ENTHD1: variants seen among roughly 807,000 people sequenced by gnomAD.
ENTHD1 encodes the protein ENTH domain containing 1, also known as ENTH domain-containing protein 1.
In ENTHD1, 23 loss-of-function variants were observed where a neutral mutation model predicts 39.1. That is an observed-to-expected ratio of 0.59 (90% CI 0.42 to 0.83). The LOEUF is 0.83. Among genes scored for constraint, ENTHD1 ranks in the 40% least tolerant of loss-of-function variants. The probability of loss-of-function intolerance (pLI) is 0.00; values close to 1 mark genes in which losing one functional copy is unlikely to be tolerated. For missense variants in ENTHD1, 624 were observed against 705.4 expected (o/e 0.88, Z 1.31); for synonymous variants, 230 against 258.2 (o/e 0.89, Z 1.05).
Position 39,765,511 on chromosome 22 carries a change from T to A in ENTHD1, c.931A>T (p.Asn311Tyr). The change falls in exon 6 of 7, where the codon AAC (asparagine) becomes TAC (tyrosine). Residue 311 changes from asparagine (N) to tyrosine (Y), a missense_variant. Asn to Tyr is a moderately radical substitution (Grantham distance 143, BLOSUM62 -2). Coordinates refer to ENST00000325157, the MANE Select transcript of ENTHD1 (RefSeq NM_152512.4). ...TTTTCTAAAGGTGTTTCCAAGAGGT[T>A]TTCTGTGACAGTATTTGTAAAGATA... ...DGIFTNTVTE[N>Y]LLETPLEKQS... is the part of the protein sequence containing the mutation. 6.2e-7 allele frequency: 1 copy of A among 1,613,958 alleles called. No individual in the cohort carries two copies. Among genetic ancestry groups the A allele is most frequent in the Non-Finnish European group, 8.5e-7 (1 of 1,179,964 alleles).
chr22:39,760,059 A>C (rs1054777256), intron 6 of ENTHD1, among the ~76,000 whole-genome samples: 2 of 151,758 alleles, frequency 1.3e-5, no homozygotes, highest in African/African-American at 4.8e-5. Flanking sequence ...GTGAATGTTC[A>C]TTTTGCACTT....
At chr22:39,837,823 G>A (rs2065917124) in intron 3 of ENTHD1, among the ~76,000 whole-genome samples, 1 of 152,220 alleles carries the variant, frequency 6.6e-6, no homozygotes, top group African/African-American at 2.4e-5. Flanking sequence ...AACTCCTGAT[G>A]AGGCTGCATG....
intron 5 of ENTHD1, among the ~76,000 whole-genome samples, chr22:39,783,964 C>T (rs916147780): frequency 2.0e-5 from 3 of 152,050 alleles, no homozygotes; most frequent in Admixed American, 6.6e-5. Context: ...GAAGAGGCAA[C>T]CCACAGAATG....
intron 3 of ENTHD1, among the ~76,000 whole-genome samples, chr22:39,852,054 C>T (rs1235092360): frequency 1.3e-5 from 2 of 151,940 alleles, no homozygotes; most frequent in African/African-American, 4.8e-5. Flanking sequence ...AAATGCTGTC[C>T]AGGCATGATG....
intron 2 of ENTHD1, among the ~76,000 whole-genome samples, chr22:39,864,914 C>T (rs1177694489): frequency 3.3e-5 from 5 of 152,058 alleles, no homozygotes; most frequent in South Asian, 4.2e-4. Flanking sequence ...AAAAATTTAC[C>T]GAGTGAATTA....
Position 39,885,050 on chromosome 22 carries a change from A to G in ENTHD1, c.349+2350T>C, listed in dbSNP as rs149969885. 4.6e-5 allele frequency among the ~76,000 whole-genome samples: 7 copies of G among 152,340 alleles called. No individual in the cohort carries two copies. In the East Asian group the frequency reaches 1.2e-3, roughly 25 times the overall value. On this transcript the variant is annotated intron_variant, in intron 2 of 6. Coordinates refer to ENST00000325157, the MANE Select transcript of ENTHD1 (RefSeq NM_152512.4). ...ATTTAGTGCATCAAAAGACACCTCC[A>G]ACAAAATTAAAGGAATCTACAGAAT...
rs144789835 is a variant in ENTHD1 at position 39,864,457 on chromosome 22, T to C, written c.350-2450A>G. Reference sequence around the variant, plus strand: ...ACCCTCATCACTCTCTATTCCTTTATCCTGCTTTATTTTTCACATTCGCAT... The same window carrying C: ...ACCCTCATCACTCTCTATTCCTTTACCCTGCTTTATTTTTCACATTCGCAT... On this transcript the variant is annotated intron_variant, in intron 2 of 6. Transcript: ENST00000325157. Among the ~76,000 whole-genome samples, 488 of 152,310 alleles carry C rather than the reference T, an allele frequency of 3.2e-3. 4 individuals carry two copies. Among genetic ancestry groups the C allele is most frequent in the African/African-American group, 0.011 (466 of 41,576 alleles).
At chr22:39,765,186 G>GTGTGTGTA (rs2065265394) in intron 6 of ENTHD1, 37 bp downstream of exon 6, 3 of 1,514,624 alleles carry the variant, frequency 2.0e-6, no homozygotes, top group Non-Finnish European at 2.7e-6. Context: ...TTGTGTGTGT[G>GTGTGTGTA]TGTGTGTGTG....
chr22:39,769,358 A>C (rs2086661356), intron 5 of ENTHD1, among the ~76,000 whole-genome samples: 1 of 152,242 alleles, frequency 6.6e-6, no homozygotes, highest in African/African-American at 2.4e-5. Flanking sequence ...GAAGGGACAA[A>C]AGTCAATAAA....
At chr22:39,819,047 G>T (rs1167495567) in intron 5 of ENTHD1, among the ~76,000 whole-genome samples, 1 of 152,086 alleles carries the variant, frequency 6.6e-6, no homozygotes, top group Non-Finnish European at 1.5e-5. Context: ...AATAAACTGT[G>T]GTACATTCTA....
intron 6 of ENTHD1, among the ~76,000 whole-genome samples, chr22:39,745,023 C>T (rs1468309667): frequency 3.3e-5 from 5 of 152,074 alleles, no homozygotes; most frequent in African/African-American, 4.8e-5. Context: ...CACTGTGTTC[C>T]TTCAGATGTT....
At chr22:39,819,692 A>G (rs2065765067) in intron 5 of ENTHD1, among the ~76,000 whole-genome samples, 1 of 152,144 alleles carries the variant, frequency 6.6e-6, no homozygotes, top group Non-Finnish European at 1.5e-5. Flanking sequence ...GTCCAAACCC[A>G]CAGAATATAT....
At chr22:39,805,064 G>A (rs1007069498) in intron 5 of ENTHD1, among the ~76,000 whole-genome samples, 3 of 152,196 alleles carry the variant, frequency 2.0e-5, no homozygotes, top group Admixed American at 6.5e-5. Context: ...AGACCAGGGA[G>A]GGGCTGGTCA....
intron 5 of ENTHD1, among the ~76,000 whole-genome samples, chr22:39,810,067 G>C (rs2065673449): frequency 6.6e-6 from 1 of 152,088 alleles, no homozygotes; most frequent in Non-Finnish European, 1.5e-5. Flanking sequence ...CAGCTCCTAA[G>C]CCTAGGCCAG....
chr22:39,759,265 A>T (rs2065210283), intron 6 of ENTHD1, among the ~76,000 whole-genome samples: 1 of 152,088 alleles, frequency 6.6e-6, no homozygotes, highest in South Asian at 2.1e-4. Context: ...TAATATATGT[A>T]TATGTGTGTT....
intron 5 of ENTHD1, among the ~76,000 whole-genome samples, chr22:39,783,188 G>T (rs1302765000): frequency 6.6e-6 from 1 of 151,878 alleles, no homozygotes; most frequent in Non-Finnish European, 1.5e-5. Context: ...ATAGCTACAA[G>T]AAATATAGCA....
chr22:39,774,883 G>A (rs187546737), intron 5 of ENTHD1, among the ~76,000 whole-genome samples: 39 of 151,672 alleles, frequency 2.6e-4, no homozygotes, highest in Non-Finnish European at 5.0e-4. Context: ...CCAGATTCAC[G>A]TCCCTTAAAA....
At chr22:39,770,005 A>G (rs555798467) in intron 5 of ENTHD1, among the ~76,000 whole-genome samples, 7 of 152,318 alleles carry the variant, frequency 4.6e-5, no homozygotes, top group African/African-American at 1.7e-4. Context: ...TTTTGGGGAC[A>G]GCATCTTCAT....
Position 39,887,362 on chromosome 22 carries a change from C to T in ENTHD1, c.349+38G>A, listed in dbSNP as rs1010192692. 3 of 1,518,980 alleles carry T rather than the reference C, an allele frequency of 2.0e-6. No homozygotes were observed. The African/African-American group carries it at 4.1e-5, about 21-fold the overall frequency. The allele number at this position is 1,518,980 out of a possible 1,614,324, so 94.1% of individuals were successfully genotyped here. ...ATGCACCAGGATTACCGGTGTACAC[C>T]ACCACACCCAGCTTATATAAACTTC... On this transcript the variant is annotated intron_variant, in intron 2 of 6. Transcript: ENST00000325157.
Sources: gnomAD v4.1 joint callset for allele counts (sites outside exome capture counted in the v4.1 genomes callset) on GRCh38, gnomAD v4.1.1 for gene constraint, MANE v1.5 for transcripts, NCBI Gene and HGNC (gene_info 2026-07-23, HGNC 2026-07-21) for gene names.